Variants in FAF1 observed in about 807,000 individuals in gnomAD.
The protein encoded by FAF1 is FAS-associated factor 1.
Under a neutral mutation model 92.5 loss-of-function variants are expected in FAF1, and 25 were observed. The ratio of observed to expected loss-of-function variants is 0.27; its 90% confidence interval spans 0.20 to 0.38. FAF1 has a LOEUF of 0.38. Ranked by LOEUF, FAF1 falls within the 10% of genes least tolerant of loss-of-function variation. FAF1 has a pLI of 1.00. For synonymous variants in FAF1, 234 were observed against 273.2 expected (o/e 0.86, Z 1.42); for missense variants, 636 against 793.3 (o/e 0.80, Z 2.38).
At chr1:50,535,889 T>A (rs906164366) in intron 14 of FAF1, among the ~76,000 whole-genome samples, 3 of 152,206 alleles carry the variant, frequency 2.0e-5, no homozygotes, top group Admixed American at 2.0e-4. Flanking sequence ...GGATTCATTA[T>A]GATTTGGTTT....
chr1:50,597,066 G>T (rs1651856746), intron 8 of FAF1, among the ~76,000 whole-genome samples: 1 of 152,176 alleles, frequency 6.6e-6, no homozygotes, highest in Non-Finnish European at 1.5e-5. Context: ...GATAGTATTT[G>T]ATTATTACTT....
intron 8 of FAF1, among the ~76,000 whole-genome samples, chr1:50,614,877 G>GA (rs1359453478): frequency 1.3e-5 from 2 of 149,284 alleles, no homozygotes; most frequent in African/African-American, 2.5e-5. Flanking sequence ...AGCAAAATGA[G>GA]AAAAAAAATG....
intron 1 of FAF1, among the ~76,000 whole-genome samples, chr1:50,922,818 CA>C (rs754253837): frequency 0.053 from 3,041 of 56,954 alleles, 47 homozygotes; most frequent in African/African-American, 0.17. Flanking sequence ...GAATCCACCA[CA>C]AAAAAAAAAA....
At chr1:50,619,449 C>A (rs908296619) in intron 8 of FAF1, among the ~76,000 whole-genome samples, 1 of 152,166 alleles carries the variant, frequency 6.6e-6, no homozygotes, top group African/African-American at 2.4e-5. Context: ...ATTCCCTCAG[C>A]ATTTGCTTGT....
At chr1:50,779,770 T>C (rs547447799) in intron 4 of FAF1, among the ~76,000 whole-genome samples, 8 of 151,806 alleles carry the variant, frequency 5.3e-5, no homozygotes, top group East Asian at 1.9e-4. Flanking sequence ...ATGGAAACCA[T>C]AGATAATACA....
intron 18 of FAF1, among the ~76,000 whole-genome samples, chr1:50,466,076 T>G (rs766828682): frequency 3.3e-5 from 5 of 152,100 alleles, no homozygotes; most frequent in African/African-American, 4.8e-5. Flanking sequence ...AAAACAAGAT[T>G]GAAGGGGATC....
At chr1:50,870,765 T>C (rs1024048436) in intron 1 of FAF1, among the ~76,000 whole-genome samples, 1 of 152,178 alleles carries the variant, frequency 6.6e-6, no homozygotes. Context: ...TCTCTCCTCC[T>C]TGGGAGTCCC....
chr1:50,764,005 T>C (rs578119673), intron 4 of FAF1, among the ~76,000 whole-genome samples: 5 of 152,290 alleles, frequency 3.3e-5, no homozygotes, highest in African/African-American at 1.2e-4. Flanking sequence ...AGTAACATAC[T>C]GCAACAGAAT....
At chr1:50,738,742 T>G (rs1043474733) in intron 6 of FAF1, 121 bp downstream of exon 6, 13 of 649,486 alleles carry the variant, frequency 2.0e-5, no homozygotes, top group Non-Finnish European at 3.5e-5. Context: ...TCATAGTAGT[T>G]GGTAAGGTCA....
At chr1:50,766,079 C>T (rs184780031) in intron 4 of FAF1, among the ~76,000 whole-genome samples, 41 of 151,924 alleles carry the variant, frequency 2.7e-4, no homozygotes, top group African/African-American at 8.5e-4. Context: ...GCGACAAGAA[C>T]GAAACTCTGT....
chr1:50,911,360 C>T (rs932346885), intron 1 of FAF1, among the ~76,000 whole-genome samples: 8 of 151,338 alleles, frequency 5.3e-5, no homozygotes, highest in Non-Finnish European at 8.8e-5. Flanking sequence ...GTGTGAGCCA[C>T]CACACCTGGC....
intron 12 of FAF1, among the ~76,000 whole-genome samples, chr1:50,572,567 T>C (rs944552160): frequency 2.6e-5 from 4 of 152,230 alleles, no homozygotes; most frequent in African/African-American, 7.2e-5. Context: ...CATACAATCA[T>C]GACTCAAGAT....
At chr1:50,552,690 T>G (rs1011371346) in intron 13 of FAF1, among the ~76,000 whole-genome samples, 1 of 152,106 alleles carries the variant, frequency 6.6e-6, no homozygotes, top group Admixed American at 6.5e-5. Flanking sequence ...ATAGACAGGA[T>G]AGAAAAATGG....
intron 18 of FAF1, among the ~76,000 whole-genome samples, chr1:50,457,746 A>AAAAAAAAAAAAAAAAAAAAAC (rs1646372304): frequency 6.8e-6 from 1 of 147,578 alleles, no homozygotes; most frequent in Non-Finnish European, 1.5e-5. Context: ...AAAAAAAAAA[A>AAAAAAAAAAAAAAAAAAAAAC]TACAAAAATT....
chr1:50,807,723 A>C (rs1407861533), intron 2 of FAF1, among the ~76,000 whole-genome samples: 1 of 152,250 alleles, frequency 6.6e-6, no homozygotes, highest in African/African-American at 2.4e-5. Flanking sequence ...AAAATTAAAA[A>C]AAGAGATTCA....
chr1:50,459,091 C>T (rs1167182713), intron 18 of FAF1, among the ~76,000 whole-genome samples: 2 of 152,040 alleles, frequency 1.3e-5, no homozygotes, highest in Admixed American at 6.6e-5. Flanking sequence ...CCTGTTTCGG[C>T]CTCCTGAGTA....
chr1:50,598,613 TTTGAA>T (rs1651944026), intron 8 of FAF1, among the ~76,000 whole-genome samples: 1 of 152,134 alleles, frequency 6.6e-6, no homozygotes. Context: ...TCAAAGTCCA[TTTGAA>T]GTTTTTTCTT....
At position 50,630,649 on chromosome 1, in the gene FAF1, C is replaced by A. The variant is rs913654647; in HGVS notation, c.744+24793G>T. 3.3e-5 allele frequency among the ~76,000 whole-genome samples: 5 copies of A among 151,992 alleles called. No individual in the cohort carries two copies. In the East Asian group the frequency reaches 7.7e-4, roughly 23 times the overall value. On this transcript the variant is annotated intron_variant, in intron 8 of 18. Transcript: ENST00000396153. ...TGAGGGAATGACATAATATTAAAGA[C>A]CTTCTCAGTGGATGACAAAATTCTG...
chr1:50,795,957 G>C (rs74080080), intron 3 of FAF1, among the ~76,000 whole-genome samples: 1 of 151,816 alleles, frequency 6.6e-6, no homozygotes, highest in Non-Finnish European at 1.5e-5. Context: ...TGTCTAGTAA[G>C]AATGGAAAAT....
Sources: allele counts gnomAD v4.1 joint callset (sites outside exome capture counted in the v4.1 genomes callset), GRCh38; gene constraint gnomAD v4.1.1; transcripts MANE v1.5; gene names NCBI Gene and HGNC (gene_info 2026-07-23, HGNC 2026-07-21).